Variants in ANK1 observed in about 807,000 individuals in gnomAD.
ANK1 encodes ankyrin 1.
Under a neutral mutation model 210.4 loss-of-function variants are expected in ANK1, and 51 were observed. The ratio of observed to expected loss-of-function variants is 0.24; its 90% CI spans 0.19 to 0.31. The LOEUF is 0.31. Among genes scored for constraint, ANK1 ranks in the 10% least tolerant of loss-of-function variants. The pLI is 1.00. For synonymous variants in ANK1, 967 were observed against 1,025.9 expected (o/e 0.94, Z 1.10); for missense variants, 2,051 against 2,504.4 (o/e 0.82, Z 3.86).
upstream of ANK1, among the ~76,000 whole-genome samples, chr8:41,798,800 G>A (rs1849345819): frequency 2.0e-5 from 3 of 152,162 alleles, no homozygotes; most frequent in South Asian, 2.1e-4. Context: ...TCCTCCCTGA[G>A]AAGGGTCTCT....
At chr8:41,658,531 T>C (rs997605589) in intron 42 of ANK1, among the ~76,000 whole-genome samples, 1 of 152,206 alleles carries the variant, frequency 6.6e-6, no homozygotes, top group Non-Finnish European at 1.5e-5. Context: ...GATTCTAGAC[T>C]CACAAGCTCC....
intron 9 of ANK1, 82 bp downstream of exon 9, chr8:41,723,043 T>C: frequency 7.8e-7 from 1 of 1,279,616 alleles, no homozygotes; most frequent in South Asian, 1.2e-5. Flanking sequence ...ATCTCTGTTT[T>C]ACAGAAATAG....
At chr8:41,738,121 C>T (rs1333050908) in intron 2 of ANK1, among the ~76,000 whole-genome samples, 4 of 152,208 alleles carry the variant, frequency 2.6e-5, no homozygotes, top group Non-Finnish European at 5.9e-5. Context: ...CAGAAAGCTT[C>T]GCAGAGGACT....
rs137998275 is a variant in ANK1, at chr8:41,735,210, G to A, written c.130-1141C>T. Among the ~76,000 whole-genome samples, 11 of 152,238 alleles carry A rather than the reference G, an allele frequency of 7.2e-5. No homozygotes were observed. The East Asian group carries it at 9.6e-4, about 13-fold the overall frequency. On this transcript the variant is annotated intron_variant, in intron 2 of 42. Transcript: ENST00000289734. ...GCCCTGAAAGGTCTTGAAACTTTCC[G>A]GCAAAAGCTGACATCAAGGAGTGCT... is the stretch of plus-strand genomic sequence containing the variant.
intron 13 of ANK1, among the ~76,000 whole-genome samples, chr8:41,716,405 C>T (rs1294133135): frequency 6.6e-6 from 1 of 152,092 alleles, no homozygotes. Flanking sequence ...TGGGCCAGGT[C>T]TCATGGGGCC....
In ANK1 at chr8:41,688,876, G is replaced by A. The variant is rs61559971; in HGVS notation, c.4105-287C>T. On this transcript the variant is annotated intron_variant, in intron 33 of 42. Transcript: ENST00000289734. Reference sequence around the variant, plus strand: ...TTTAATGTTCACGGCAACCTAAGAGGTGGGTGCTGTATTACTCCCATTTCA... The same window carrying A: ...TTTAATGTTCACGGCAACCTAAGAGATGGGTGCTGTATTACTCCCATTTCA... Among the ~76,000 whole-genome samples, 3,095 of 152,310 alleles carry A rather than the reference G, an allele frequency of 0.02. 101 individuals are homozygous for A. Among genetic ancestry groups the A allele is most frequent in the African/African-American group, 0.072 (2,991 of 41,544 alleles).
At chr8:41,757,501 T>G (rs1839430842) in intron 2 of ANK1, among the ~76,000 whole-genome samples, 1 of 152,198 alleles carries the variant, frequency 6.6e-6, no homozygotes, top group Non-Finnish European at 1.5e-5. Context: ...CAGCCCCTTC[T>G]GAAGCTAAGG....
chr8:41,788,625 C>T (rs145119788), intron 1 of ANK1, among the ~76,000 whole-genome samples: 6 of 152,322 alleles, frequency 3.9e-5, no homozygotes, highest in East Asian at 3.9e-4. Context: ...TATTTAATCA[C>T]GTAGCATGGT....
At chr8:41,780,827 G>C (rs577577550) in intron 1 of ANK1, among the ~76,000 whole-genome samples, 1 of 152,224 alleles carries the variant, frequency 6.6e-6, no homozygotes, top group African/African-American at 2.4e-5. Flanking sequence ...TGCATGCATA[G>C]ATGTGTGTGT....
chr8:41,697,424 T>TCCATCG (rs1821374516), intron 24 of ANK1, among the ~76,000 whole-genome samples: 1 of 152,144 alleles, frequency 6.6e-6, no homozygotes, highest in Admixed American at 6.5e-5. Flanking sequence ...AACGTCCTTG[T>TCCATCG]CCATCGCCCT....
At chr8:41,771,724 C>T (rs539221516) in intron 1 of ANK1, among the ~76,000 whole-genome samples, 1 of 152,280 alleles carries the variant, frequency 6.6e-6, no homozygotes, top group African/African-American at 2.4e-5. Context: ...GGGTTCTGTC[C>T]TCTGGGCCAC....
intron 35 of ANK1, among the ~76,000 whole-genome samples, chr8:41,687,283 C>T (rs185311991): frequency 1.4e-4 from 21 of 152,348 alleles, no homozygotes; most frequent in African/African-American, 3.8e-4. Flanking sequence ...CACCAAGCTG[C>T]GCTTGGGTCC....
chr8:41,739,770 C>T lies in ANK1; in HGVS notation c.130-5701G>A, dbSNP rs146964967. ...TCTTACAAAGGTAGACTGCGGTTAT[C>T]TTGAACTTTGAGTTGGAGCTGGGGT... On this transcript the variant is annotated intron_variant, in intron 2 of 42. Coordinates refer to ENST00000289734, the MANE Select transcript of ANK1 (RefSeq NM_000037.4). Among the ~76,000 whole-genome samples the T allele has an allele frequency of 2.8e-3, 423 of 152,220 alleles. 1 individual carries two copies. The highest frequency in any genetic ancestry group is 4.1e-3 in the Admixed American group (62 of 15,288).
In ANK1 at chr8:41,661,882, G is replaced by C; in HGVS notation, c.5538C>G (p.His1846Gln). ...GGGGCCCCTCTACAGTCACCTCCTC[G>C]TGCTCCTGGGCGGCATCGGCGCTGG... ...DLSSADAAQE[H>Q]EEVELRGSGL... The change falls in exon 41 of 43, where the codon CAC becomes CAG. Residue 1846 changes from histidine (H) to glutamine (Q), a missense_variant. Physicochemically the swap from His to Gln is conservative, Grantham distance 24 (BLOSUM62 0). Around this residue, in one of 6 missense-constraint regions of ANK1, gnomAD observed 496 missense variants for 533.4 expected, o/e 0.93. Coordinates refer to ENST00000289734, the MANE Select transcript of ANK1 (RefSeq NM_000037.4). 2 of 1,614,056 alleles carry C rather than the reference G, an allele frequency of 1.2e-6. No homozygotes were observed. The highest frequency in any genetic ancestry group is 1.7e-6 in the Non-Finnish European group (2 of 1,179,972).
At chr8:41,657,611 A>G (rs6990613) in intron 42 of ANK1, among the ~76,000 whole-genome samples, 90,828 of 152,152 alleles carry the variant, frequency 0.6, 27,641 homozygotes, top group African/African-American at 0.71. Flanking sequence ...ATCATGGAAT[A>G]TGCAGCCTGG....
intron 1 of ANK1, among the ~76,000 whole-genome samples, chr8:41,857,662 C>CG (rs1812460402): frequency 1.3e-5 from 2 of 151,358 alleles, no homozygotes; most frequent in African/African-American, 4.9e-5. Flanking sequence ...CACTTGAACC[C>CG]GGGAGGCTGA....
At chr8:41,698,224 AG>A in intron 23 of ANK1, 103 bp from the exon 24 acceptor site, 1 of 1,148,142 alleles carries the variant, frequency 8.7e-7, no homozygotes, top group Non-Finnish European at 1.3e-6. Flanking sequence ...TCCACTCCAG[AG>A]CCTGACTGCG....
At chr8:41,881,162 A>G (rs1336010260) in intron 1 of ANK1, among the ~76,000 whole-genome samples, 5 of 152,190 alleles carry the variant, frequency 3.3e-5, no homozygotes, top group Non-Finnish European at 7.3e-5. Context: ...GAGATTCACA[A>G]GGTCCCTTCC....
intron 1 of ANK1, among the ~76,000 whole-genome samples, chr8:41,872,834 C>T (rs2150826232): frequency 6.6e-6 from 1 of 152,366 alleles, no homozygotes; most frequent in East Asian, 1.9e-4. Context: ...ACACCCAAAG[C>T]CTCAGAGCAC....
Sources: allele counts gnomAD v4.1 joint callset (sites outside exome capture counted in the v4.1 genomes callset), GRCh38; gene constraint gnomAD v4.1.1; regional missense constraint gnomAD v4.1.1; transcripts MANE v1.5; gene names NCBI Gene and HGNC (gene_info 2026-07-23, HGNC 2026-07-21).